CYFIP1: variants seen among roughly 807,000 people sequenced by gnomAD.
CYFIP1 encodes cytoplasmic FMR1 interacting protein 1.
A neutral mutation model predicts 163.5 loss-of-function variants in CYFIP1; 58 were observed. The observed-to-expected ratio is 0.35, with a 90% CI of 0.29 to 0.44. The LOEUF is 0.44. Among genes scored for constraint, CYFIP1 ranks in the 20% least tolerant of loss-of-function variants. CYFIP1 has a pLI of 1.00. For missense variants in CYFIP1, 1,338 were observed against 1,653.8 expected, an observed-to-expected ratio of 0.81 and a Z score of 3.31; for synonymous variants, 663 against 660.7, an observed-to-expected ratio of 1.00 and a Z score of -0.05.
At chr15:22,951,436 G>T in intron 1 of CYFIP1, 1 of 1,289,524 alleles carries the variant, frequency 7.8e-7, no homozygotes, top group Non-Finnish European at 1.0e-6. Flanking sequence ...AGCATGGGGG[G>T]CCTGCCCTTG....
At position 22,913,027 on chromosome 15, in the gene CYFIP1, C is replaced by T. The variant is rs921063591; in HGVS notation, c.1986-752G>A. On this transcript the variant is annotated intron_variant, in intron 17 of 30. Transcript: ENST00000617928. Reference sequence around the variant, plus strand: ...GTTGGACAACATAGCAAGACCCCGTCTCCATGAAACACAAAACAATTAGCC... The same window carrying T: ...GTTGGACAACATAGCAAGACCCCGTTTCCATGAAACACAAAACAATTAGCC... Among the ~76,000 whole-genome samples the T allele has an allele frequency of 2.0e-5, 3 of 152,086 alleles. No individual in the cohort carries two copies. The South Asian group carries it at 6.2e-4, about 32-fold the overall frequency.
intron 20 of CYFIP1, 59 bp from the exon 21 acceptor site, chr15:22,909,372 C>A (rs1302992251): frequency 1.9e-6 from 3 of 1,599,570 alleles, no homozygotes; most frequent in African/African-American, 2.7e-5. Context: ...TCGAAAACAA[C>A]AAACGCCTCA....
At chr15:22,916,391 G>A in intron 16 of CYFIP1, 86 bp downstream of exon 16, 4 of 999,116 alleles carry the variant, frequency 4.0e-6, no homozygotes, top group Non-Finnish European at 6.1e-6. Context: ...CGGGGTAGGG[G>A]GTGGTCAGGC....
intron 9 of CYFIP1, among the ~76,000 whole-genome samples, chr15:22,936,198 G>A (rs1456116949): frequency 3.3e-5 from 5 of 152,006 alleles, no homozygotes; most frequent in East Asian, 1.9e-4. Context: ...ACCAAGGCCT[G>A]CTACACTCCA....
chr15:22,964,962 C>G (rs2062853423), intron 1 of CYFIP1, among the ~76,000 whole-genome samples: 1 of 151,902 alleles, frequency 6.6e-6, no homozygotes, highest in South Asian at 2.1e-4. Context: ...TTTTACTAAG[C>G]GTAATGTCTT....
At chr15:22,877,739 G>A (rs1223824893) in intron 26 of CYFIP1, among the ~76,000 whole-genome samples, 1 of 152,182 alleles carries the variant, frequency 6.6e-6, no homozygotes, top group East Asian at 1.9e-4. Flanking sequence ...CACCGAGCCT[G>A]TGGGTGGCCA....
In CYFIP1 at chr15:22,916,479, C is replaced by T; in HGVS notation, c.1826G>A (p.Ser609Asn). The change falls in exon 16 of 31, where the codon AGT (serine) becomes AAT (asparagine). Residue 609 changes from serine to asparagine, a missense_variant and splice_region_variant. Around this residue, in one of 4 missense-constraint regions of CYFIP1, gnomAD observed 824 missense variants for 995.7 expected, o/e 0.83. Transcript: ENST00000617928. ...SFFYTHLINF[S>N]ETLQQCCDLS... is the part of the protein sequence containing the mutation. Reference sequence around the variant, plus strand: ...TGCTGCTCAGCAGTATCTCTTACCACTGAAATTTATCAAGTGAGTGTAGAA... The same window carrying T: ...TGCTGCTCAGCAGTATCTCTTACCATTGAAATTTATCAAGTGAGTGTAGAA... 1 of 1,606,938 alleles carries T rather than the reference C, an allele frequency of 6.2e-7. No homozygotes were observed.
intron 16 of CYFIP1, among the ~76,000 whole-genome samples, chr15:22,915,617 T>C (rs2060947784): frequency 6.6e-6 from 1 of 151,984 alleles, no homozygotes; most frequent in South Asian, 2.1e-4. Context: ...GGCGCAGTGG[T>C]GAGCACCTAT....
chr15:22,938,937 A>AG (rs2061804589), intron 8 of CYFIP1, among the ~76,000 whole-genome samples: 1 of 147,282 alleles, frequency 6.8e-6, no homozygotes, highest in African/African-American at 2.7e-5. Flanking sequence ...AAAAAAAAAA[A>AG]AAAAAAAAAA....
At position 22,956,628 on chromosome 15, in the gene CYFIP1, C is replaced by T. The variant is rs578185541; in HGVS notation, c.-6-9337G>A. Reference sequence around the variant, plus strand: ...GTCAGGGGCTCTGGAGACGGGGCATCTCAGGGGAGGCTCGGGGCAGGTGGC... The same window carrying T: ...GTCAGGGGCTCTGGAGACGGGGCATTTCAGGGGAGGCTCGGGGCAGGTGGC... On this transcript the variant is annotated intron_variant, in intron 1 of 30. Transcript: ENST00000617928. Among the ~76,000 whole-genome samples, 6 of 152,068 alleles carry T rather than the reference C, an allele frequency of 3.9e-5. No individual in the cohort carries two copies. In the East Asian group the frequency reaches 1.2e-3, roughly 29 times the overall value.
At chr15:22,976,250 C>T (rs940758738) in intron 1 of CYFIP1, among the ~76,000 whole-genome samples, 8 of 152,090 alleles carry the variant, frequency 5.3e-5, no homozygotes, top group African/African-American at 1.7e-4. Context: ...CTCCGCCTCC[C>T]GGGTTCAGGC....
chr15:22,964,008 C>T (rs1036574891), intron 1 of CYFIP1, among the ~76,000 whole-genome samples: 2 of 151,960 alleles, frequency 1.3e-5, no homozygotes, highest in African/African-American at 4.8e-5. Context: ...GAGACAGAAA[C>T]TATGGATTCA....
chr15:22,909,215 A>G lies in CYFIP1; in HGVS notation c.2367T>C (p.Ser789=), dbSNP rs770257817. Residue 789 remains serine (S), a synonymous_variant, in exon 21 of 31, where the codon AGT becomes AGC. Transcript: ENST00000617928. ...TTACAACTATGGAGGTCAAATCTTCACTTTCAAATCGTCCAATCGCCAGTT... is the reference window on the plus strand; with the variant it reads ...TTACAACTATGGAGGTCAAATCTTCGCTTTCAAATCGTCCAATCGCCAGTT... The part of the protein sequence containing the change: ...SLELAIGRFE[S]EDLTSIVELD... 9 of 1,614,072 alleles carry G rather than the reference A, an allele frequency of 5.6e-6. No individual in the cohort carries two copies. The highest frequency in any genetic ancestry group is 1.3e-5 in the African/African-American group (1 of 74,920).
chr15:22,974,396 G>C (rs2063198799), intron 1 of CYFIP1, among the ~76,000 whole-genome samples: 1 of 152,008 alleles, frequency 6.6e-6, no homozygotes, highest in Non-Finnish European at 1.5e-5. Flanking sequence ...GGGCAACATA[G>C]TGATACCCCA....
chr15:22,913,205 G>GA (rs572437905), intron 17 of CYFIP1, among the ~76,000 whole-genome samples: 2,263 of 142,182 alleles, frequency 0.016, 29 homozygotes, highest in Non-Finnish European at 0.022. Context: ...CTGTTGGGGG[G>GA]AAAAAAAAAA....
intron 22 of CYFIP1, among the ~76,000 whole-genome samples, chr15:22,903,180 C>A (rs151036851): frequency 6.6e-6 from 1 of 152,224 alleles, no homozygotes; most frequent in Non-Finnish European, 1.5e-5. Flanking sequence ...CCCTGGCACG[C>A]GCTGACACTG....
chr15:22,931,165 C>T lies in CYFIP1; in HGVS notation c.1110+1058G>A, dbSNP rs369108073. Among the ~76,000 whole-genome samples, 34 of 152,256 alleles carry T rather than the reference C, an allele frequency of 2.2e-4. No homozygotes were observed. The South Asian group carries it at 2.3e-3, about 10-fold the overall frequency. ...GGGCCAACATCCACAGAGTTGTCCC[C>T]GCTAAGGTTAATGGTCCTCCTGAGA... On this transcript the variant is annotated intron_variant, in intron 11 of 30. Transcript: ENST00000617928.
At chr15:22,979,948 G>A (rs12437591) in intron 1 of CYFIP1, among the ~76,000 whole-genome samples, 64 of 152,314 alleles carry the variant, frequency 4.2e-4, no homozygotes, top group Admixed American at 1.0e-3. Flanking sequence ...ATGTGCCGGG[G>A]CGCGGAATCC....
intron 1 of CYFIP1, among the ~76,000 whole-genome samples, chr15:22,976,863 G>C (rs2063299539): frequency 6.6e-6 from 1 of 152,168 alleles, no homozygotes; most frequent in South Asian, 2.1e-4. Flanking sequence ...TGTTGACTTT[G>C]CATGTATCTC....
Sources: gnomAD v4.1 joint callset for allele counts (sites outside exome capture counted in the v4.1 genomes callset) on GRCh38, gnomAD v4.1.1 for gene constraint, gnomAD v4.1.1 regional missense constraint, MANE v1.5 for transcripts, NCBI Gene and HGNC (gene_info 2026-07-23, HGNC 2026-07-21) for gene names.